Variants in DISC1 observed in about 807,000 individuals in gnomAD.
DISC1 encodes the protein disrupted in schizophrenia 1 protein.
A neutral mutation model predicts 84.5 loss-of-function variants in DISC1; 57 were observed. The ratio of observed to expected loss-of-function variants is 0.67; its 90% CI spans 0.55 to 0.84. The LOEUF is 0.84. Ranked by LOEUF, DISC1 falls within the 40% of genes least tolerant of loss-of-function variation. The probability of loss-of-function intolerance (pLI) is 0.00; values close to 1 mark genes in which losing one functional copy is unlikely to be tolerated. For synonymous variants in DISC1, 411 were observed against 415.2 expected, an observed-to-expected ratio of 0.99 and a Z score of 0.12; for missense variants, 1,000 against 1,057.8, an observed-to-expected ratio of 0.95 and a Z score of 0.76.
chr1:232,019,048 A>C (rs1399100679), intron 11 of DISC1, among the ~76,000 whole-genome samples: 1 of 152,196 alleles, frequency 6.6e-6, no homozygotes, highest in African/African-American at 2.4e-5. Context: ...TCATTACTTC[A>C]ATAAGCATTA....
At chr1:231,639,581 G>A (rs1292320046) in intron 1 of DISC1, among the ~76,000 whole-genome samples, 2 of 152,174 alleles carry the variant, frequency 1.3e-5, no homozygotes, top group Non-Finnish European at 2.9e-5. Flanking sequence ...AACCACAACC[G>A]GCTGAGTGGC....
chr1:231,973,710 T>G (rs572442925), intron 10 of DISC1, among the ~76,000 whole-genome samples: 6 of 152,350 alleles, frequency 3.9e-5, no homozygotes, highest in African/African-American at 1.4e-4. Flanking sequence ...TCCCTCCGCA[T>G]GCCCAAACAG....
intron 1 of DISC1, among the ~76,000 whole-genome samples, chr1:231,636,202 T>C (rs1320318108): frequency 1.3e-5 from 2 of 152,248 alleles, no homozygotes; most frequent in African/African-American, 4.8e-5. Flanking sequence ...AATTCTCCAT[T>C]TGTAGAACAC....
rs576453723 is a variant in DISC1 at position 231,959,342 on chromosome 1, T to G, written c.2042+454T>G. On this transcript the variant is annotated intron_variant, in intron 10 of 12. Coordinates refer to ENST00000439617, the MANE Select transcript of DISC1 (RefSeq NM_018662.3). The stretch of plus-strand genomic sequence containing the variant: ...CCAGCATGAAAATTTCTGGTTGCTT[T>G]TTTTAAAACCCAATTAGGAATTCAT... 1.0e-4 allele frequency: 100 copies of G among 985,988 alleles called. No homozygotes were observed. In the African/African-American group the frequency reaches 1.7e-3, roughly 17 times the overall value. The allele number at this position is 985,988 out of a possible 1,614,324, so 61.1% of individuals were successfully genotyped here.
In DISC1 at chr1:231,694,033, G is replaced by T; in HGVS notation, c.275G>T (p.Gly92Val). ...RARQCGLDSR[G>V]LLVRSPVSKS... ...AGACAGTGTGGCCTTGACTCGAGAG[G>T]CCTCTTGGTCCGGAGCCCTGTTTCC... Residue 92 changes from glycine (G) to valine (V), a missense_variant, in exon 2 of 13, where the codon GGC becomes GTC. This residue lies in a region of DISC1 where 292 missense variants were observed against 280.2 expected (regional missense o/e 1.04). Coordinates refer to ENST00000439617, the MANE Select transcript of DISC1 (RefSeq NM_018662.3). The T allele has an allele frequency of 1.2e-6, 2 of 1,614,170 alleles. No individual in the cohort carries two copies. Among genetic ancestry groups the T allele is most frequent in the Non-Finnish European group, 1.7e-6 (2 of 1,180,032 alleles).
chr1:231,772,476 C>T (rs769587267), intron 6 of DISC1, among the ~76,000 whole-genome samples: 6 of 152,126 alleles, frequency 3.9e-5, no homozygotes, highest in East Asian at 1.9e-4. Flanking sequence ...GTTGAGAATA[C>T]GGACTCTGCC....
At chr1:231,834,147 T>C (rs1445588494) in intron 9 of DISC1, among the ~76,000 whole-genome samples, 1 of 152,006 alleles carries the variant, frequency 6.6e-6, no homozygotes, top group African/African-American at 2.4e-5. Flanking sequence ...TAAGAGGAAA[T>C]TGCTGGGCAG....
chr1:231,905,339 C>T (rs1358808988), intron 9 of DISC1, among the ~76,000 whole-genome samples: 1 of 152,206 alleles, frequency 6.6e-6, no homozygotes, highest in East Asian at 1.9e-4. Flanking sequence ...AATGGCCAGG[C>T]TGTACGCAGT....
chr1:231,795,627 G>A (rs1041018454), intron 7 of DISC1, among the ~76,000 whole-genome samples: 9 of 152,198 alleles, frequency 5.9e-5, no homozygotes, highest in Admixed American at 1.3e-4. Flanking sequence ...GGTGGCTCAC[G>A]CCTGTAATCC....
intron 9 of DISC1, among the ~76,000 whole-genome samples, chr1:231,942,694 G>T (rs2091421841): frequency 6.6e-6 from 1 of 151,568 alleles, no homozygotes; most frequent in African/African-American, 2.4e-5. Flanking sequence ...AAATAAAAAA[G>T]AAAAAAAAGA....
At chr1:231,716,227 C>T (rs577012455) in intron 3 of DISC1, among the ~76,000 whole-genome samples, 10 of 146,998 alleles carry the variant, frequency 6.8e-5, no homozygotes, top group Admixed American at 2.1e-4. Context: ...GTGCCAATAG[C>T]GTGCAGAAAA....
rs1432178465 is a variant in DISC1, at chr1:231,886,760, T to TTCCTTCCTTTCTTCCG, written c.1981+68256_1981+68257insCCGTCCTTCCTTTCTT. Among the ~76,000 whole-genome samples the TTCCTTCCTTTCTTCCG allele has an allele frequency of 1.4e-3, 160 of 110,532 alleles. 2 individuals carry two copies. Among genetic ancestry groups the TTCCTTCCTTTCTTCCG allele is most frequent in the African/African-American group, 5.0e-3 (147 of 29,640 alleles). The allele number at this position is 110,532 out of a possible 152,430, so 72.5% of individuals were successfully genotyped here. ...TTCTTTCTCTTTCTTCCTTTCTTCC[T>TTCCTTCCTTTCTTCCG]TCCTTCCTTTCTTTCTTTCTTTCTT... On this transcript the variant is annotated intron_variant, in intron 9 of 12. Transcript: ENST00000439617.
intron 10 of DISC1, among the ~76,000 whole-genome samples, chr1:231,987,412 A>G (rs928401636): frequency 6.6e-6 from 1 of 152,230 alleles, no homozygotes; most frequent in Admixed American, 6.5e-5. Flanking sequence ...TTGCCGATGG[A>G]ACTTGCTGCC....
chr1:231,668,097 A>G (rs920956395), intron 1 of DISC1, among the ~76,000 whole-genome samples: 1 of 151,992 alleles, frequency 6.6e-6, no homozygotes, highest in African/African-American at 2.4e-5. Context: ...ATACATCTTG[A>G]TAAGTTTCAG....
At chr1:231,755,939 A>G (rs1000774856) in intron 4 of DISC1, among the ~76,000 whole-genome samples, 1 of 152,174 alleles carries the variant, frequency 6.6e-6, no homozygotes, top group African/African-American at 2.4e-5. Context: ...CCTCTCATTC[A>G]TCTTCCACAA....
intron 9 of DISC1, among the ~76,000 whole-genome samples, chr1:231,957,288 C>T (rs1659680145): frequency 6.6e-6 from 1 of 152,202 alleles, no homozygotes; most frequent in Non-Finnish European, 1.5e-5. Flanking sequence ...GCCCTCTTCC[C>T]TCCCTCCGCA....
chr1:231,738,394 A>G (rs189190110), intron 3 of DISC1, among the ~76,000 whole-genome samples: 32 of 152,272 alleles, frequency 2.1e-4, no homozygotes, highest in East Asian at 1.4e-3. Context: ...TTAGTACTCA[A>G]TCGTTCTCTG....
chr1:231,866,311 G>C (rs781715913), intron 9 of DISC1, among the ~76,000 whole-genome samples: 120 of 152,280 alleles, frequency 7.9e-4, no homozygotes, highest in Non-Finnish European at 1.3e-3. Context: ...ACTGTAGGCA[G>C]TTCACTTTGC....
Position 232,037,404 on chromosome 1 carries a change from GAT to G in DISC1, c.*576_*577del, listed in dbSNP as rs899455117. The G allele has an allele frequency of 7.2e-5, 11 of 152,152 alleles. No individual in the cohort carries two copies. Among genetic ancestry groups the G allele is most frequent in the African/African-American group, 2.7e-4 (11 of 41,408 alleles). 9.4% of individuals were successfully genotyped at this position (152,152 alleles called of 1,614,324 possible). Reference sequence around the variant, plus strand: ...AAAAATTAATATGCAATTTCCAAAAGATATTTTGGTAAGACAACAACCTCCCA... The same window carrying G: ...AAAAATTAATATGCAATTTCCAAAAGATTTTGGTAAGACAACAACCTCCCA... On this transcript the variant is annotated 3_prime_UTR_variant, in exon 13 of 13. Coordinates refer to ENST00000439617, the MANE Select transcript of DISC1 (RefSeq NM_018662.3).
Sources: allele counts gnomAD v4.1 joint callset (sites outside exome capture counted in the v4.1 genomes callset), GRCh38; gene constraint gnomAD v4.1.1; regional missense constraint gnomAD v4.1.1; transcripts MANE v1.5; gene names NCBI Gene and HGNC (gene_info 2026-07-23, HGNC 2026-07-21).